Variants in PDE6C observed in about 807,000 individuals in gnomAD.
The protein encoded by PDE6C is cone cGMP-specific 3',5'-cyclic phosphodiesterase subunit alpha'.
A neutral mutation model predicts 113.1 loss-of-function variants in PDE6C; 75 were observed. That is an observed-to-expected ratio of 0.66 (90% CI 0.55 to 0.80). The LOEUF (loss-of-function observed/expected upper bound fraction) is 0.80, where lower values mean the gene tolerates loss of function less well. PDE6C is among the 30% of genes least tolerant of loss of function. The pLI is 0.00. For missense variants in PDE6C, 912 were observed against 1,038.6 expected, an observed-to-expected ratio of 0.88 and a Z score of 1.67; for synonymous variants, 375 against 363.7, an observed-to-expected ratio of 1.03 and a Z score of -0.35.
chr10:93,658,845 A>AT (rs1295797470), intron 16 of PDE6C, 56 bp from the exon 17 acceptor site: 11 of 1,042,806 alleles, frequency 1.1e-5, no homozygotes, highest in Middle Eastern at 2.0e-4. Context: ...TATTTAAGAT[A>AT]TTTTTTCTCT....
intron 4 of PDE6C, among the ~76,000 whole-genome samples, chr10:93,624,323 C>T (rs921120426): frequency 6.6e-6 from 1 of 152,140 alleles, no homozygotes; most frequent in Non-Finnish European, 1.5e-5. Flanking sequence ...TCTTGGCTCA[C>T]TGCAACCTCA....
At chr10:93,660,463 T>C (rs1322031065) in intron 18 of PDE6C, among the ~76,000 whole-genome samples, 5 of 152,160 alleles carry the variant, frequency 3.3e-5, no homozygotes, top group African/African-American at 1.2e-4. Flanking sequence ...CCTCCAGGAA[T>C]AGGGAGGGCA....
chr10:93,631,115 C>G (rs1181153145), intron 8 of PDE6C, among the ~76,000 whole-genome samples: 1 of 152,236 alleles, frequency 6.6e-6, no homozygotes, highest in Non-Finnish European at 1.5e-5. Context: ...AGCTACTGCT[C>G]TGATGTGCTC....
chr10:93,637,831 A>C (rs1391699972), intron 11 of PDE6C, among the ~76,000 whole-genome samples: 2 of 152,146 alleles, frequency 1.3e-5, no homozygotes, highest in African/African-American at 2.4e-5. Context: ...TAGTCATTTG[A>C]TCCTGTTTTA....
chr10:93,638,714 T>G (rs996441609), intron 11 of PDE6C, among the ~76,000 whole-genome samples: 1 of 152,224 alleles, frequency 6.6e-6, no homozygotes, highest in African/African-American at 2.4e-5. Flanking sequence ...AAAATTATCC[T>G]GGCATCATTT....
chr10:93,631,678 C>T (rs1055896489), intron 8 of PDE6C, among the ~76,000 whole-genome samples: 1 of 152,238 alleles, frequency 6.6e-6, no homozygotes, highest in Non-Finnish European at 1.5e-5. Flanking sequence ...CAAACCACCA[C>T]CCTCCTTTTG....
intron 20 of PDE6C, 45 bp from the exon 21 acceptor site, chr10:93,662,983 T>C (rs2058673068): frequency 6.5e-7 from 1 of 1,538,602 alleles, no homozygotes; most frequent in Non-Finnish European, 9.0e-7. Flanking sequence ...ATCCTGAAAA[T>C]TAACTGTATG....
intron 1 of PDE6C, among the ~76,000 whole-genome samples, chr10:93,616,096 G>C (rs1405678866): frequency 1.3e-5 from 2 of 152,190 alleles, no homozygotes; most frequent in Non-Finnish European, 2.9e-5. Flanking sequence ...CATTGCACTT[G>C]ACAATTTAAA....
At chr10:93,646,713 C>A (rs1302276002) in intron 15 of PDE6C, among the ~76,000 whole-genome samples, 6 of 152,126 alleles carry the variant, frequency 3.9e-5, no homozygotes, top group Admixed American at 6.6e-5. Context: ...CATGAGAATT[C>A]ACTCAGTATC....
At chr10:93,660,914 T>C (rs1489839553) in intron 18 of PDE6C, among the ~76,000 whole-genome samples, 2 of 152,126 alleles carry the variant, frequency 1.3e-5, no homozygotes, top group African/African-American at 4.8e-5. Context: ...AGGATGTCTC[T>C]ACACAGAGCT....
chr10:93,629,135 C>T, intron 7 of PDE6C, 123 bp from the exon 8 acceptor site: 1 of 818,440 alleles, frequency 1.2e-6, no homozygotes, highest in Non-Finnish European at 2.2e-6. Context: ...CATTTGCCCG[C>T]AAGCAGTCAA....
At chr10:93,642,076 G>A (rs2058562630) in intron 14 of PDE6C, among the ~76,000 whole-genome samples, 1 of 152,122 alleles carries the variant, frequency 6.6e-6, no homozygotes, top group South Asian at 2.1e-4. Flanking sequence ...ATAAATATTA[G>A]GTATGATTGC....
intron 15 of PDE6C, among the ~76,000 whole-genome samples, chr10:93,654,455 G>C (rs976579055): frequency 6.6e-6 from 1 of 152,154 alleles, no homozygotes; most frequent in Non-Finnish European, 1.5e-5. Flanking sequence ...CTGTTGTGAA[G>C]AGATTAAGAA....
Position 93,629,167 on chromosome 10 carries a change from C to T in PDE6C, c.1072-91C>T. Reference sequence around the variant, plus strand: ...TCAAGAGCCGTGTAGAAAATCCTCACTCCCAATGCGTTCTTTCTTATTCTG... The same window carrying T: ...TCAAGAGCCGTGTAGAAAATCCTCATTCCCAATGCGTTCTTTCTTATTCTG... On this transcript the variant is annotated intron_variant, in intron 7 of 21. Coordinates refer to ENST00000371447, the MANE Select transcript of PDE6C (RefSeq NM_006204.4). 5 of 1,062,132 alleles carry T rather than the reference C, an allele frequency of 4.7e-6. No individual in the cohort carries two copies. The South Asian group carries it at 5.0e-5, about 11-fold the overall frequency. 65.8% of individuals were successfully genotyped at this position (1,062,132 alleles called of 1,614,324 possible). A position where few individuals can be genotyped will look rare whatever the true frequency, so the allele number is the denominator to read the frequency against.
At chr10:93,641,982 G>A (rs903488252) in intron 14 of PDE6C, among the ~76,000 whole-genome samples, 1 of 152,148 alleles carries the variant, frequency 6.6e-6, no homozygotes, top group African/African-American at 2.4e-5. Context: ...TATAGTAATG[G>A]TACCCAGCAC....
chr10:93,651,516 C>G (rs1399939719), intron 15 of PDE6C, among the ~76,000 whole-genome samples: 1 of 152,176 alleles, frequency 6.6e-6, no homozygotes, highest in Non-Finnish European at 1.5e-5. Flanking sequence ...AGAACTCCCT[C>G]ACTATCATGA....
At chr10:93,657,012 A>G (rs2058640755) in intron 16 of PDE6C, among the ~76,000 whole-genome samples, 1 of 152,308 alleles carries the variant, frequency 6.6e-6, no homozygotes, top group East Asian at 1.9e-4. Flanking sequence ...GGAGAAAAAA[A>G]CTAGTGATGC....
chr10:93,665,167 C>G (rs966003584), intron 21 of PDE6C, among the ~76,000 whole-genome samples, 193 bp from the exon 22 acceptor site: 10 of 152,182 alleles, frequency 6.6e-5, no homozygotes, highest in African/African-American at 2.2e-4. Context: ...CTGCACCTAA[C>G]CCAGATTTTA....
intron 8 of PDE6C, among the ~76,000 whole-genome samples, chr10:93,631,742 C>T (rs752373949): frequency 6.6e-6 from 1 of 152,216 alleles, no homozygotes; most frequent in Non-Finnish European, 1.5e-5. Context: ...CTGATTCTTA[C>T]GATTCCTTTT....
Sources: gnomAD v4.1 joint callset for allele counts (sites outside exome capture counted in the v4.1 genomes callset) on GRCh38, gnomAD v4.1.1 for gene constraint, MANE v1.5 for transcripts, NCBI Gene and HGNC (gene_info 2026-07-23, HGNC 2026-07-21) for gene names.